The following FCGR3A variants were observed in gnomAD, a reference collection of about 807,000 sequenced individuals.
FCGR3A encodes the protein Fc gamma receptor IIIa, also known as low affinity immunoglobulin gamma Fc region receptor III-A.
Under a neutral mutation model 24.1 loss-of-function variants are expected in FCGR3A, and 13 were observed. The ratio of observed to expected loss-of-function variants is 0.54; its 90% CI spans 0.35 to 0.86. The LOEUF (loss-of-function observed/expected upper bound fraction) is 0.86, where lower values mean the gene tolerates loss of function less well. Ranked by LOEUF, FCGR3A falls within the 40% of genes least tolerant of loss-of-function variation. FCGR3A has a pLI of 0.01. For synonymous variants in FCGR3A, 93 were observed against 112.2 expected (o/e 0.83, Z 1.08); for missense variants, 235 against 298.0 (o/e 0.79, Z 1.56).
intron 1 of FCGR3A, among the ~76,000 whole-genome samples, 157 bp downstream of exon 1, chr1:161,549,540 C>A (rs1159373021): frequency 6.6e-6 from 1 of 152,012 alleles, no homozygotes; most frequent in Non-Finnish European, 1.5e-5. Flanking sequence ...TCATTTCTAG[C>A]CCCATCTTGG....
chr1:161,550,518 A>AG (rs1486752546), upstream of FCGR3A: 2 of 153,492 alleles, frequency 1.3e-5, no homozygotes, highest in Non-Finnish European at 2.9e-5. Context: ...GGGCGAGGAC[A>AG]GGAACTCTTT....
chr1:161,543,078 A>T lies in FCGR3A; in HGVS notation c.699T>A (p.Ile233=), dbSNP rs776069031. The T allele has an allele frequency of 1.2e-6, 2 of 1,613,426 alleles. No homozygotes were observed. Among genetic ancestry groups the T allele is most frequent in the Non-Finnish European group, 1.7e-6 (2 of 1,179,656 alleles). The change falls in exon 5 of 5, where the codon ATT becomes ATA. Residue 233 remains isoleucine, a synonymous_variant. Coordinates refer to ENST00000443193, the MANE Select transcript of FCGR3A (RefSeq NM_000569.8). ...TGLYFSVKTN[I]RSSTRDWKDH... is the part of the protein sequence containing the mutation. ...CCTTCCAGTCTCTTGTTGAGCTTCG[A>T]ATGTTTGTCTTCACAGAGAAATATA...
intron 4 of FCGR3A, among the ~76,000 whole-genome samples, chr1:161,544,496 C>A (rs4047526): frequency 1.8e-3 from 249 of 141,238 alleles, no homozygotes; most frequent in South Asian, 3.5e-3. Flanking sequence ...CTCCTAGCTA[C>A]CCCAAAAGAA....
At chr1:161,548,866 G>T (rs1193331600) in intron 2 of FCGR3A, 145 bp downstream of exon 2, 1 of 1,136,654 alleles carries the variant, frequency 8.8e-7, no homozygotes, top group East Asian at 2.5e-5. Flanking sequence ...AGAAGCACAG[G>T]GCCAAGTTCT....
At chr1:161,548,380 C>A in intron 3 of FCGR3A, 41 bp downstream of exon 3, 1 of 1,612,946 alleles carries the variant, frequency 6.2e-7, no homozygotes, top group South Asian at 1.1e-5. Context: ...CTTTGTTTCA[C>A]CCTTTATTGG....
At chr1:161,549,446 T>C (rs1677635546) in intron 1 of FCGR3A, among the ~76,000 whole-genome samples, 1 of 152,012 alleles carries the variant, frequency 6.6e-6, no homozygotes, top group Non-Finnish European at 1.5e-5. Context: ...AGCTCTTTGG[T>C]TCCACAGAGT....
chr1:161,549,947 G>GC (rs567820409), upstream of FCGR3A: 233 of 1,379,930 alleles, frequency 1.7e-4, 1 homozygote, highest in African/African-American at 3.0e-3. Flanking sequence ...GAAGGAAAGA[G>GC]CCTGGAGGCA....
intron 3 of FCGR3A, chr1:161,545,654 A>G (rs1211659294): frequency 6.6e-6 from 1 of 151,438 alleles, no homozygotes; most frequent in East Asian, 1.9e-4. Flanking sequence ...TCACCAAGTA[A>G]TTTACTGAGC....
intron 3 of FCGR3A, chr1:161,545,489 C>T (rs1254105963): frequency 6.4e-6 from 1 of 155,950 alleles, no homozygotes; most frequent in Non-Finnish European, 1.4e-5. Flanking sequence ...TCAATGTAAA[C>T]ACCAGGGAGG....
rs1677173526 is a variant in FCGR3A, at chr1:161,542,721, A to G, written c.*291T>C. On this transcript the variant is annotated 3_prime_UTR_variant, in exon 5 of 5. Transcript: ENST00000443193. Reference sequence around the variant, plus strand: ...TAAAGGATTACCATCCCTAGCCTGTATTGTTGCTTTGCTGTGAGGGAACGG... The same window carrying G: ...TAAAGGATTACCATCCCTAGCCTGTGTTGTTGCTTTGCTGTGAGGGAACGG... The G allele has an allele frequency of 3.5e-6, 1 of 282,624 alleles. No individual in the cohort carries two copies. The highest frequency in any genetic ancestry group is 2.2e-5 in the African/African-American group (1 of 46,194). 17.5% of individuals were successfully genotyped at this position (282,624 alleles called of 1,614,324 possible).
Position 161,544,762 on chromosome 1 carries a change from G to T in FCGR3A, c.516C>A (p.Cys172Ter). 6.2e-7 allele frequency: 1 copy of T among 1,613,154 alleles called. No homozygotes were observed. Among genetic ancestry groups the T allele is most frequent in the South Asian group, 1.1e-5 (1 of 91,014 alleles). Residue 172 changes from cysteine to a stop codon, truncating the protein, a stop_gained, in exon 4 of 5, where the codon TGC (cysteine) becomes TGA (stop). Transcript: ENST00000443193. LOFTEE classifies it high-confidence loss of function. ...ATLKDSGSYF[C>*]RGLFGSKNVS... ...CATTTTTACTCCCAAAAAGCCCCCTGCAGAAGTAGGAGCCGCTGTCTTTGA... is the reference window on the plus strand; with the variant it reads ...CATTTTTACTCCCAAAAAGCCCCCTTCAGAAGTAGGAGCCGCTGTCTTTGA...
rs774155063 is a variant in FCGR3A, at chr1:161,548,664, C to T, written c.76G>A (p.Ala26Thr). 1 of 1,613,862 alleles carries T rather than the reference C, an allele frequency of 6.2e-7. No individual in the cohort carries two copies. Among genetic ancestry groups the T allele is most frequent in the Non-Finnish European group, 8.5e-7 (1 of 1,179,808 alleles). Residue 26 changes from alanine (A) to threonine (T), a missense_variant, in exon 3 of 5, where the codon GCT becomes ACT. Ala to Thr is a moderately conservative substitution (Grantham distance 58). Coordinates refer to ENST00000443193, the MANE Select transcript of FCGR3A (RefSeq NM_000569.8). ...AGMRTEDLPK[A>T]VVFLEPQWYR... ...CATTGAGGCTCCAGGAACACCACAG[C>T]CTTTGGGAGATCTTCTGAGGAGCCA...
rs1042089294 is a variant in FCGR3A at position 161,549,688 on chromosome 1, C to T, written c.40+9G>A. ...AACTTCTCCCTCAACCAGGGAGACC[C>T]TGACTTACCTAGAAGTAGCAGAGCA... On this transcript the variant is annotated intron_variant, in intron 1 of 4. Coordinates refer to ENST00000443193, the MANE Select transcript of FCGR3A (RefSeq NM_000569.8). 6 of 1,613,512 alleles carry T rather than the reference C, an allele frequency of 3.7e-6. No individual in the cohort carries two copies. Among genetic ancestry groups the T allele is most frequent in the African/African-American group, 2.7e-5 (2 of 74,858 alleles).
rs373464186 is a variant in FCGR3A, at chr1:161,549,003, T to C, written c.61+8A>G. Reference sequence around the variant, plus strand: ...CTGGGTCAATCCAAGACCATGAAGCTGACTCACCAGTCCGCATGCCAGCTG... The same window carrying C: ...CTGGGTCAATCCAAGACCATGAAGCCGACTCACCAGTCCGCATGCCAGCTG... On this transcript the variant is annotated splice_region_variant and intron_variant, in intron 2 of 4. Transcript: ENST00000443193. 385 of 1,602,048 alleles carry C rather than the reference T, an allele frequency of 2.4e-4. 5 individuals carry two copies. Among genetic ancestry groups the C allele is most frequent in the Non-Finnish European group, 3.0e-4 (348 of 1,169,940 alleles).
At chr1:161,547,032 G>T (rs1452925336) in intron 3 of FCGR3A, among the ~76,000 whole-genome samples, 1 of 152,120 alleles carries the variant, frequency 6.6e-6, no homozygotes, top group African/African-American at 2.4e-5. Flanking sequence ...ACCTGGTGAA[G>T]CTAATTCTCA....
chr1:161,550,251 TC>T, upstream of FCGR3A: 1 of 431,734 alleles, frequency 2.3e-6, no homozygotes, highest in Non-Finnish European at 4.1e-6. Context: ...CAGAAAGTGG[TC>T]CTTTCAAATC....
intron 4 of FCGR3A, among the ~76,000 whole-genome samples, chr1:161,543,566 T>G (rs1041500056): frequency 6.6e-6 from 1 of 152,150 alleles, no homozygotes; most frequent in African/African-American, 2.4e-5. Flanking sequence ...TTTTTTAAAC[T>G]CTTGATTTTG....
At chr1:161,543,269 G>A in intron 4 of FCGR3A, 70 bp from the exon 5 acceptor site, 2 of 1,548,814 alleles carry the variant, frequency 1.3e-6, no homozygotes, top group Non-Finnish European at 1.8e-6. Flanking sequence ...CAAACAGTGA[G>A]GTCACCAGTA....
At position 161,543,076 on chromosome 1, in the gene FCGR3A, C is replaced by T. The variant is rs573034150; in HGVS notation, c.701G>A (p.Arg234Gln). ...GLYFSVKTNI[R>Q]SSTRDWKDHK... Reference sequence around the variant, plus strand: ...GTCCTTCCAGTCTCTTGTTGAGCTTCGAATGTTTGTCTTCACAGAGAAATA... The same window carrying T: ...GTCCTTCCAGTCTCTTGTTGAGCTTTGAATGTTTGTCTTCACAGAGAAATA... Residue 234 changes from arginine (R) to glutamine (Q), a missense_variant, in exon 5 of 5, where the codon CGA becomes CAA. Physicochemically the swap from Arg to Gln is conservative, Grantham distance 43. Coordinates refer to ENST00000443193, the MANE Select transcript of FCGR3A (RefSeq NM_000569.8). The T allele has an allele frequency of 2.0e-5, 33 of 1,613,262 alleles. No individual in the cohort carries two copies. In the Admixed American group the frequency reaches 3.2e-4, roughly 15 times the overall value.
Sources: gnomAD v4.1 joint callset for allele counts (sites outside exome capture counted in the v4.1 genomes callset) on GRCh38, gnomAD v4.1.1 for gene constraint, MANE v1.5 for transcripts, NCBI Gene and HGNC (gene_info 2026-07-23, HGNC 2026-07-21) for gene names.